The following SFMBT1 variants were observed in gnomAD, a reference collection of about 807,000 sequenced individuals.
SFMBT1 encodes scm-like with four MBT domains protein 1.
SFMBT1 carries 32 observed loss-of-function variants against 108.7 expected under a neutral mutation model. The observed-to-expected ratio is 0.29, with a 90% CI of 0.22 to 0.40. The LOEUF is 0.40. Ranked by LOEUF, SFMBT1 falls within the 10% of genes least tolerant of loss-of-function variation. The pLI, the probability that SFMBT1 is intolerant of heterozygous loss-of-function variation, is 1.00. For synonymous variants in SFMBT1, 348 were observed against 369.5 expected (o/e 0.94, Z 0.67); for missense variants, 816 against 1,059.6 (o/e 0.77, Z 3.19).
At chr3:53,021,399 A>G (rs893930075) in intron 1 of SFMBT1, among the ~76,000 whole-genome samples, 4 of 152,362 alleles carry the variant, frequency 2.6e-5, no homozygotes, top group African/African-American at 9.6e-5. Flanking sequence ...GGTGATGTGT[A>G]AACTGGGGAT....
At position 52,907,629 on chromosome 3, in the gene SFMBT1, G is replaced by A. The variant is rs1215390024; in HGVS notation, c.2011C>T (p.Arg671Trp). ...TTCTTATGAACAAAAACATTTTTCC[G>A]CCTCTTTCTCCTCTTACTGGCTTTT... Reference protein sequence around the residue: ...LKKASKRRKRRKNVFVHKKKR... With the variant: ...LKKASKRRKRWKNVFVHKKKR... Residue 671 changes from arginine (R) to tryptophan (W), a missense_variant, in exon 18 of 21, where the codon CGG (arginine) becomes TGG (tryptophan). Transcript: ENST00000394752. 10 of 1,613,944 alleles carry A rather than the reference G, an allele frequency of 6.2e-6. No individual in the cohort carries two copies. Among genetic ancestry groups the A allele is most frequent in the South Asian group, 2.2e-5 (2 of 91,086 alleles).
At chr3:53,035,390 G>A (rs1316203213) in intron 1 of SFMBT1, among the ~76,000 whole-genome samples, 1 of 152,216 alleles carries the variant, frequency 6.6e-6, no homozygotes, top group African/African-American at 2.4e-5. Flanking sequence ...GGATGGATGG[G>A]AGAGGTGGGG....
At chr3:53,042,055 A>G (rs564678072) in intron 1 of SFMBT1, among the ~76,000 whole-genome samples, 7 of 152,366 alleles carry the variant, frequency 4.6e-5, no homozygotes, top group East Asian at 1.9e-4. Context: ...TTGGAAAATT[A>G]TAAGAGAAAA....
chr3:53,008,064 C>A (rs11713859), intron 1 of SFMBT1, among the ~76,000 whole-genome samples: 10,534 of 110,576 alleles, frequency 0.095, 431 homozygotes, highest in Non-Finnish European at 0.13. Flanking sequence ...CTTGCCCCAC[C>A]CCCGCAAAAA....
At chr3:52,935,907 G>GT (rs1262379779) in intron 4 of SFMBT1, among the ~76,000 whole-genome samples, 1 of 152,108 alleles carries the variant, frequency 6.6e-6, no homozygotes, top group Non-Finnish European at 1.5e-5. Flanking sequence ...TCTCTATGGA[G>GT]TTTTTTAGAG....
chr3:53,010,727 T>C (rs978963728), intron 1 of SFMBT1, among the ~76,000 whole-genome samples: 3 of 152,344 alleles, frequency 2.0e-5, no homozygotes, highest in Admixed American at 2.0e-4. Flanking sequence ...TCTGTATATA[T>C]AGAACTTAAC....
At chr3:52,905,443 T>G (rs1275271239) in intron 20 of SFMBT1, among the ~76,000 whole-genome samples, 167 bp from the exon 21 acceptor site, 1 of 152,224 alleles carries the variant, frequency 6.6e-6, no homozygotes, top group African/African-American at 2.4e-5. Context: ...GACTCCATAG[T>G]CTTCCACACT....
chr3:53,015,720 C>T (rs1699102576), intron 1 of SFMBT1, among the ~76,000 whole-genome samples: 1 of 152,152 alleles, frequency 6.6e-6, no homozygotes, highest in Non-Finnish European at 1.5e-5. Context: ...ACAAAATGTC[C>T]ACCATAGGCA....
At chr3:52,957,792 C>T (rs576875295) in intron 2 of SFMBT1, among the ~76,000 whole-genome samples, 1 of 152,214 alleles carries the variant, frequency 6.6e-6, no homozygotes, top group African/African-American at 2.4e-5. Flanking sequence ...TTCCTTACAC[C>T]TAATACAAAA....
intron 1 of SFMBT1, among the ~76,000 whole-genome samples, chr3:52,985,109 A>G (rs1704860875): frequency 6.6e-6 from 1 of 152,242 alleles, no homozygotes. Context: ...TATGGGAGCC[A>G]GTAACATGAG....
At chr3:52,989,828 A>G (rs1161002042) in intron 1 of SFMBT1, among the ~76,000 whole-genome samples, 1 of 152,142 alleles carries the variant, frequency 6.6e-6, no homozygotes, top group East Asian at 1.9e-4. Context: ...TAGTGTTTAC[A>G]TAATGTATAA....
intron 1 of SFMBT1, among the ~76,000 whole-genome samples, chr3:52,998,849 C>T (rs552034029): frequency 2.0e-5 from 3 of 150,674 alleles, no homozygotes; most frequent in Admixed American, 1.3e-4. Context: ...CAAGGGCCTG[C>T]GGGGTGACGG....
In SFMBT1 at chr3:53,033,006, T is replaced by C. The variant is rs1346586669; in HGVS notation, c.-131+12810A>G. On this transcript the variant is annotated intron_variant, in intron 1 of 20. Transcript: ENST00000394752. ...AAAATTTGGGGCCTACCAAAGACTCTGCCTTTTGAAGTATTTATGGGCCAG... is the reference window on the plus strand; with the variant it reads ...AAAATTTGGGGCCTACCAAAGACTCCGCCTTTTGAAGTATTTATGGGCCAG... Among the ~76,000 whole-genome samples the C allele has an allele frequency of 2.6e-5, 4 of 152,274 alleles. 1 individual carries two copies. The highest frequency in any genetic ancestry group is 4.2e-4 in the South Asian group (2 of 4,816).
At chr3:52,920,453 A>T in intron 12 of SFMBT1, 84 bp downstream of exon 12, 1 of 933,706 alleles carries the variant, frequency 1.1e-6, no homozygotes, top group Non-Finnish European at 1.7e-6. Flanking sequence ...TTTTCTCTGA[A>T]ATGTCCAGAT....
chr3:52,950,116 G>A (rs1703521059), intron 3 of SFMBT1, among the ~76,000 whole-genome samples: 1 of 152,066 alleles, frequency 6.6e-6, no homozygotes, highest in Non-Finnish European at 1.5e-5. Context: ...GATATAGTTG[G>A]ATTAATATCT....
intron 2 of SFMBT1, among the ~76,000 whole-genome samples, chr3:52,966,429 T>A (rs1358874377): frequency 6.7e-6 from 1 of 150,316 alleles, no homozygotes; most frequent in Non-Finnish European, 1.5e-5. Flanking sequence ...ATCGAGACCA[T>A]CCTGGCTAAC....
chr3:52,976,454 A>T lies in SFMBT1; in HGVS notation c.-130-7196T>A, dbSNP rs888059134. ...TGGGAGGAAAAAAAATTAGAACCTT[A>T]CTTTATGCTGCCACATAAATAAATT... On this transcript the variant is annotated intron_variant, in intron 1 of 20. Transcript: ENST00000394752. 8.5e-5 allele frequency among the ~76,000 whole-genome samples: 13 copies of T among 152,200 alleles called. No homozygotes were observed. The East Asian group carries it at 2.5e-3, about 29-fold the overall frequency.
chr3:52,907,397 A>G (rs1292108053), intron 18 of SFMBT1, 83 bp from the exon 19 acceptor site: 8 of 1,529,868 alleles, frequency 5.2e-6, no homozygotes, highest in African/African-American at 1.4e-5. Context: ...TAATAAAGAA[A>G]GAAAAGAAAT....
At chr3:52,995,654 C>T (rs992830338) in intron 1 of SFMBT1, among the ~76,000 whole-genome samples, 1 of 150,096 alleles carries the variant, frequency 6.7e-6, no homozygotes, top group Non-Finnish European at 1.5e-5. Flanking sequence ...TCTGCCTCAG[C>T]CTCCCAAAGT....
Sources: allele counts gnomAD v4.1 joint callset (sites outside exome capture counted in the v4.1 genomes callset), GRCh38; gene constraint gnomAD v4.1.1; transcripts MANE v1.5; gene names NCBI Gene and HGNC (gene_info 2026-07-23, HGNC 2026-07-21).